MINDY1: variants seen among roughly 807,000 people sequenced by gnomAD.
The protein encoded by MINDY1 is MINDY lysine 48 deubiquitinase 1.
A neutral mutation model predicts 53.6 loss-of-function variants in MINDY1; 50 were observed. The observed-to-expected ratio is 0.93, with a 90% CI of 0.74 to 1.18. The LOEUF (loss-of-function observed/expected upper bound fraction) is 1.18. Among genes scored for constraint, MINDY1 ranks in the 50% most tolerant of loss-of-function variants. The probability of loss-of-function intolerance (pLI) is 0.00; values close to 1 mark genes in which losing one functional copy is unlikely to be tolerated. For missense variants in MINDY1, 484 were observed against 578.6 expected, an observed-to-expected ratio of 0.84 and a Z score of 1.68; for synonymous variants, 231 against 234.7, an observed-to-expected ratio of 0.98 and a Z score of 0.14.
chr1:151,001,835 G>A (rs59942146), intron 2 of MINDY1, 53 bp from the exon 3 acceptor site: 116,962 of 1,553,500 alleles, frequency 0.075, 9,415 homozygotes, highest in East Asian at 0.37. Flanking sequence ...GAGCACTGAA[G>A]GAAGAACCCA....
chr1:151,004,717 C>T (rs1157098974), intron 1 of MINDY1, among the ~76,000 whole-genome samples: 4 of 149,924 alleles, frequency 2.7e-5, no homozygotes, highest in Admixed American at 6.7e-5. Flanking sequence ...GGTGACAGAG[C>T]GAAACTCCAT....
Position 150,999,610 on chromosome 1 carries a change from C to T in MINDY1, c.839-99G>A. 4.0e-6 allele frequency: 6 copies of T among 1,487,750 alleles called. No homozygotes were observed. The highest frequency in any genetic ancestry group is 4.6e-6 in the Non-Finnish European group (5 of 1,092,860). 92.2% of individuals were successfully genotyped at this position (1,487,750 alleles called of 1,614,324 possible). ...GCCCCTGTCAAAAGCCCCGGGGGGT[C>T]AGTCCCACCTTCTGACGTCCCTTTC... On this transcript the variant is annotated intron_variant, in intron 6 of 9. Transcript: ENST00000683666. This position sits in a 1 kb window ranked among gnomAD's most constrained non-coding sequence, Gnocchi z 4.4.
intron 1 of MINDY1, among the ~76,000 whole-genome samples, chr1:151,005,798 C>G (rs1203978731): frequency 6.6e-6 from 1 of 152,192 alleles, no homozygotes; most frequent in Non-Finnish European, 1.5e-5. Flanking sequence ...TTCTTTTCCT[C>G]CTCTTTCTTA....
intron 1 of MINDY1, chr1:151,006,056 CAG>C: frequency 6.5e-7 from 1 of 1,549,332 alleles, no homozygotes; most frequent in South Asian, 1.2e-5. Flanking sequence ...ATTTTCATCT[CAG>C]AATATGTCAA....
chr1:151,004,584 G>A (rs587759964), intron 1 of MINDY1, among the ~76,000 whole-genome samples: 9 of 152,074 alleles, frequency 5.9e-5, no homozygotes, highest in African/African-American at 1.9e-4. Flanking sequence ...ACAAAAATTA[G>A]CCAGGTGTGT....
rs778224979 is a variant in MINDY1 at position 151,000,485 on chromosome 1, A to G, written c.707T>C (p.Leu236Pro). Residue 236 changes from leucine (L) to proline (P), a missense_variant, in exon 5 of 10, where the codon CTG becomes CCG. Transcript: ENST00000683666. ...CSVFDLLGIPLYHGWLVDPQS... is the reference protein window; with the variant it reads ...CSVFDLLGIPPYHGWLVDPQS... ...TGGATCAACAAGCCAGCCATGGTAC[A>G]GAGGTATGCCTAGCAGGTCAAAGAC... 2.4e-5 allele frequency: 39 copies of G among 1,612,876 alleles called. No homozygotes were observed. In the South Asian group the frequency reaches 4.1e-4, roughly 17 times the overall value.
upstream of MINDY1, among the ~76,000 whole-genome samples, chr1:151,007,135 G>C (rs1370937648): frequency 6.6e-6 from 1 of 152,184 alleles, no homozygotes; most frequent in Non-Finnish European, 1.5e-5. Flanking sequence ...TCCTTTCCAA[G>C]TCCTTGCTGT....
intron 7 of MINDY1, among the ~76,000 whole-genome samples, chr1:150,998,569 G>A (rs1166235292): frequency 6.6e-6 from 1 of 152,186 alleles, no homozygotes; most frequent in Non-Finnish European, 1.5e-5. Flanking sequence ...TGTTAGCCAG[G>A]ATGGCCTCGA....
rs1205100696 is a variant in MINDY1, at chr1:151,000,493, G to A, written c.699C>T (p.Gly233=). 3 of 1,613,574 alleles carry A rather than the reference G, an allele frequency of 1.9e-6. 1 individual carries two copies. The highest frequency in any genetic ancestry group is 2.2e-5 in the South Asian group (2 of 91,014). Residue 233 remains glycine (G), a synonymous_variant, in exon 5 of 10, where the codon GGC becomes GGT. Transcript: ENST00000683666. ...CAAGCCAGCCATGGTACAGAGGTAT[G>A]CCTAGCAGGTCAAAGACACTGCACT... The part of the protein sequence containing the change: ...TPECSVFDLL[G]IPLYHGWLVD...
In MINDY1 at chr1:151,006,860, C is replaced by T; in HGVS notation, c.-638G>A. The T allele has an allele frequency of 1.0e-6, 1 of 985,412 alleles. No homozygotes were observed. The highest frequency in any genetic ancestry group is 1.2e-6 in the Non-Finnish European group (1 of 829,972). The allele number at this position is 985,412 out of a possible 1,614,324, so 61.0% of individuals were successfully genotyped here. Reference sequence around the variant, plus strand: ...GAAAAACAACAGACCCTTTCTCTTCCCTCTGCCTGCCTCTAGAAGGGACGG... The same window carrying T: ...GAAAAACAACAGACCCTTTCTCTTCTCTCTGCCTGCCTCTAGAAGGGACGG... On this transcript the variant is annotated 5_prime_UTR_variant, in exon 1 of 10. Transcript: ENST00000683666.
chr1:150,997,368 C>A lies in MINDY1; in HGVS notation c.1330-1G>T. The A allele has an allele frequency of 6.3e-7, 1 of 1,597,588 alleles. No individual in the cohort carries two copies. The highest frequency in any genetic ancestry group is 2.3e-5 in the East Asian group (1 of 44,026). ...GGCGTCCAGATGTGGCTCCTCTCCC[C>A]TGTATCGGATTTAACAATTGGTCAC... On this transcript the variant is annotated splice_acceptor_variant, in intron 9 of 9. Coordinates refer to ENST00000683666, the MANE Select transcript of MINDY1 (RefSeq NM_001376665.1). LOFTEE classifies it high-confidence loss of function.
chr1:151,001,288 G>A lies in MINDY1; in HGVS notation c.538C>T (p.Gln180Ter). 1 of 1,614,158 alleles carries A rather than the reference G, an allele frequency of 6.2e-7. No individual in the cohort carries two copies. Among genetic ancestry groups the A allele is most frequent in the Non-Finnish European group, 8.5e-7 (1 of 1,180,022 alleles). The part of the protein sequence containing the change: ...LGNCLLSIKP[Q>*]EKSEGLQLNF... ...AGCTGAAGTCCCTCTGACTTCTCCT[G>A]GGGCTTGATGGACAGGAGGCAGTTT... The change falls in exon 4 of 10, where the codon CAG becomes TAG. Residue 180 changes from glutamine to a stop codon, truncating the protein, a stop_gained. Transcript: ENST00000683666. LOFTEE classifies it high-confidence loss of function.
intron 5 of MINDY1, 119 bp from the exon 6 acceptor site, chr1:151,000,083 C>T: frequency 3.7e-6 from 2 of 544,396 alleles, no homozygotes; most frequent in South Asian, 2.8e-5. Flanking sequence ...TTCCTAAACA[C>T]TTTTTTTTTT....
intron 9 of MINDY1, 117 bp from the exon 10 acceptor site, chr1:150,997,484 C>T: frequency 1.3e-6 from 2 of 1,546,510 alleles, no homozygotes; most frequent in Non-Finnish European, 1.8e-6. Context: ...CAGGAAGGGG[C>T]TCCAGGGGAG....
Position 151,002,111 on chromosome 1 carries a change from C to T in MINDY1, c.453+54G>A. 1 of 1,504,490 alleles carries T rather than the reference C, an allele frequency of 6.6e-7. No homozygotes were observed. The highest frequency in any genetic ancestry group is 9.0e-7 in the Non-Finnish European group (1 of 1,115,620). The allele number at this position is 1,504,490 out of a possible 1,614,324, so 93.2% of individuals were successfully genotyped here. On this transcript the variant is annotated intron_variant, in intron 2 of 9. Transcript: ENST00000683666. The surrounding 1 kb of genome is among the most constrained non-coding windows in gnomAD (Gnocchi z 4.1). ...CATCAGGATGATCAAGGAAGTAAGT[C>T]AGGGAAGAGTACTCCCTGATATTTT...
intron 1 of MINDY1, among the ~76,000 whole-genome samples, chr1:151,004,103 A>G (rs1672867947): frequency 6.6e-6 from 1 of 151,886 alleles, no homozygotes; most frequent in African/African-American, 2.4e-5. Context: ...TGTATTTTTT[A>G]GTAGAGATGG....
chr1:150,997,272 G>A lies in MINDY1; in HGVS notation c.*15C>T. The A allele has an allele frequency of 6.3e-7, 1 of 1,576,476 alleles. No individual in the cohort carries two copies. Among genetic ancestry groups the A allele is most frequent in the Admixed American group, 1.8e-5 (1 of 55,906 alleles). ...TCTGGAAGAAGGGGCAGGCCAGCCT[G>A]GCACTGGGGCAGAGCTACAGCAGAA... On this transcript the variant is annotated 3_prime_UTR_variant, in exon 10 of 10. Coordinates refer to ENST00000683666, the MANE Select transcript of MINDY1 (RefSeq NM_001376665.1).
rs147348743 is a variant in MINDY1, at chr1:151,003,001, G to A, written c.-89-295C>T. 5 of 1,179,116 alleles carry A rather than the reference G, an allele frequency of 4.2e-6. No homozygotes were observed. In the African/African-American group the frequency reaches 7.8e-5, roughly 18 times the overall value. 73.0% of individuals were successfully genotyped at this position (1,179,116 alleles called of 1,614,324 possible). A position where few individuals can be genotyped will look rare whatever the true frequency, so the allele number is the denominator to read the frequency against. On this transcript the variant is annotated intron_variant, in intron 1 of 9. Coordinates refer to ENST00000683666, the MANE Select transcript of MINDY1 (RefSeq NM_001376665.1). Reference sequence around the variant, plus strand: ...AGATCATGACAGGGAAGGGAGGAAAGACAGAGAGAAAGGGAGAGCACAAAG... The same window carrying A: ...AGATCATGACAGGGAAGGGAGGAAAAACAGAGAGAAAGGGAGAGCACAAAG...
chr1:151,002,558 G>T lies in MINDY1; in HGVS notation c.60C>A (p.Val20=). ...CCAGAACCTCATGGTTTTCAGGGAT[G>T]ACTGCTTCTGCAGTCCCGGCCTTAC... ...APGKAGTAEA[V]IPENHEVLAG... The change falls in exon 2 of 10, where the codon GTC becomes GTA. Residue 20 remains valine, a synonymous_variant. Transcript: ENST00000683666. This position sits in a 1 kb window ranked among gnomAD's most constrained non-coding sequence, Gnocchi z 4.1. 1 of 1,614,192 alleles carries T rather than the reference G, an allele frequency of 6.2e-7. No homozygotes were observed. Among genetic ancestry groups the T allele is most frequent in the South Asian group, 1.1e-5 (1 of 91,072 alleles).
Sources: gnomAD v4.1 joint callset for allele counts (sites outside exome capture counted in the v4.1 genomes callset) on GRCh38, gnomAD v4.1.1 for gene constraint, Gnocchi (gnomAD v3.1) non-coding constraint, MANE v1.5 for transcripts, NCBI Gene and HGNC (gene_info 2026-07-23, HGNC 2026-07-21) for gene names.